The following KCNH1 variants were observed in gnomAD, a reference collection of about 807,000 sequenced individuals.
The protein encoded by KCNH1 is voltage-gated delayed rectifier potassium channel KCNH1.
Under a neutral mutation model 69.2 loss-of-function variants are expected in KCNH1, and 27 were observed. The ratio of observed to expected loss-of-function variants is 0.39; its 90% CI spans 0.29 to 0.54. The LOEUF (loss-of-function observed/expected upper bound fraction) is 0.54. KCNH1 is among the 20% of genes least tolerant of loss of function. The pLI is 0.68. For missense variants in KCNH1, 798 were observed against 1,261.6 expected (o/e 0.63, Z 5.57); for synonymous variants, 456 against 487.7 (o/e 0.93, Z 0.86).
intron 7 of KCNH1, among the ~76,000 whole-genome samples, chr1:210,820,387 G>C (rs1182387889): frequency 6.6e-6 from 1 of 152,100 alleles, no homozygotes; most frequent in Non-Finnish European, 1.5e-5. Flanking sequence ...TGTAATCCCA[G>C]CACTTTGGGA....
chr1:210,975,142 C>G (rs1688580395), intron 6 of KCNH1, among the ~76,000 whole-genome samples: 1 of 152,138 alleles, frequency 6.6e-6, no homozygotes, highest in Non-Finnish European at 1.5e-5. Flanking sequence ...TTTTATAAGA[C>G]ATGTCTGCTA....
At chr1:210,972,887 T>C (rs1314429478) in intron 6 of KCNH1, among the ~76,000 whole-genome samples, 1 of 150,896 alleles carries the variant, frequency 6.6e-6, no homozygotes, top group Non-Finnish European at 1.5e-5. Flanking sequence ...GACTTGAGTA[T>C]TGTCTCATCT....
At chr1:211,118,347 T>C (rs1028955199) in intron 1 of KCNH1, among the ~76,000 whole-genome samples, 3 of 152,208 alleles carry the variant, frequency 2.0e-5, no homozygotes, top group Non-Finnish European at 1.5e-5. Flanking sequence ...ACTTATCAAG[T>C]CCTTCCTACA....
chr1:210,879,613 T>A (rs533078374), intron 7 of KCNH1, among the ~76,000 whole-genome samples: 2 of 152,182 alleles, frequency 1.3e-5, no homozygotes, highest in African/African-American at 4.8e-5. Flanking sequence ...CTCCTCAACC[T>A]GATAAAGAAT....
At chr1:211,059,673 G>A (rs927485816) in intron 5 of KCNH1, among the ~76,000 whole-genome samples, 7 of 151,964 alleles carry the variant, frequency 4.6e-5, no homozygotes, top group African/African-American at 1.2e-4. Context: ...AACCCGGGAG[G>A]TGGAGCTTGC....
At chr1:210,884,264 T>C (rs1259841471) in intron 7 of KCNH1, among the ~76,000 whole-genome samples, 2 of 152,162 alleles carry the variant, frequency 1.3e-5, no homozygotes, top group Non-Finnish European at 2.9e-5. Flanking sequence ...AGTCCAACAA[T>C]GTGGTATCTA....
chr1:210,933,374 G>T (rs1301000459), intron 6 of KCNH1, among the ~76,000 whole-genome samples: 1 of 151,824 alleles, frequency 6.6e-6, no homozygotes, highest in Non-Finnish European at 1.5e-5. Flanking sequence ...GGGGTGGGGG[G>T]AGCGGGGAGG....
chr1:210,871,774 T>A (rs1686253622), intron 7 of KCNH1, among the ~76,000 whole-genome samples: 2 of 150,302 alleles, frequency 1.3e-5, no homozygotes, highest in Non-Finnish European at 3.0e-5. Flanking sequence ...AAACTGGAAA[T>A]CATCATTCTC....
intron 7 of KCNH1, among the ~76,000 whole-genome samples, chr1:210,857,610 AT>A (rs1685880423): frequency 6.6e-6 from 1 of 152,228 alleles, no homozygotes; most frequent in Admixed American, 6.5e-5. Context: ...TGCATTTTAA[AT>A]ATCAATATAT....
chr1:210,799,930 A>G (rs985471138), intron 8 of KCNH1, among the ~76,000 whole-genome samples: 2 of 152,210 alleles, frequency 1.3e-5, no homozygotes, highest in African/African-American at 4.8e-5. Flanking sequence ...GGGGTCAAAG[A>G]GTTGAAATCC....
chr1:210,960,336 C>T (rs1206558152), intron 6 of KCNH1, among the ~76,000 whole-genome samples: 10 of 152,074 alleles, frequency 6.6e-5, no homozygotes, highest in African/African-American at 2.4e-4. Context: ...TTTGCACATC[C>T]ATCAAACCAT....
chr1:210,848,508 T>C (rs989085459), intron 7 of KCNH1, among the ~76,000 whole-genome samples: 1 of 152,234 alleles, frequency 6.6e-6, no homozygotes, highest in African/African-American at 2.4e-5. Context: ...CAGTCCTTTA[T>C]ATCACTGACA....
intron 10 of KCNH1, among the ~76,000 whole-genome samples, chr1:210,735,306 C>T (rs1289071858): frequency 6.6e-6 from 1 of 152,078 alleles, no homozygotes; most frequent in African/African-American, 2.4e-5. Context: ...TTGTTGTCTG[C>T]CTGAGTCACT....
intron 10 of KCNH1, among the ~76,000 whole-genome samples, chr1:210,755,649 C>T (rs959047655): frequency 2.1e-5 from 3 of 144,344 alleles, no homozygotes; most frequent in African/African-American, 7.5e-5. Flanking sequence ...GAGCAGATAC[C>T]GGGTTCCTCT....
chr1:210,723,987 A>G (rs926013812), intron 10 of KCNH1, among the ~76,000 whole-genome samples: 9 of 152,226 alleles, frequency 5.9e-5, no homozygotes, highest in African/African-American at 1.9e-4. Context: ...CCGGGGAAAG[A>G]GTATGGCCTG....
At chr1:210,779,305 G>A (rs1683927687) in intron 9 of KCNH1, among the ~76,000 whole-genome samples, 1 of 152,148 alleles carries the variant, frequency 6.6e-6, no homozygotes, top group Non-Finnish European at 1.5e-5. Flanking sequence ...CTGTTAGTGA[G>A]ATTTAAGAAC....
intron 10 of KCNH1, among the ~76,000 whole-genome samples, chr1:210,748,033 A>AGCCACGTGCCTTGGCTCTGCTC (rs1683200560): frequency 6.6e-6 from 1 of 152,238 alleles, no homozygotes; most frequent in Admixed American, 6.5e-5. Context: ...TGGCACTGCC[A>AGCCACGTGCCTTGGCTCTGCTC]GCCACGTGCC....
At chr1:211,030,457 A>T (rs897681849) in intron 5 of KCNH1, among the ~76,000 whole-genome samples, 2 of 152,172 alleles carry the variant, frequency 1.3e-5, no homozygotes, top group African/African-American at 4.8e-5. Flanking sequence ...AGACCCATAC[A>T]AATATACTCA....
intron 6 of KCNH1, among the ~76,000 whole-genome samples, chr1:210,925,280 T>C (rs1388924391): frequency 6.6e-6 from 1 of 152,228 alleles, no homozygotes; most frequent in African/African-American, 2.4e-5. Flanking sequence ...CAGCTCCCAC[T>C]TGGATGGACA....
Sources: allele counts gnomAD v4.1 joint callset (sites outside exome capture counted in the v4.1 genomes callset), GRCh38; gene constraint gnomAD v4.1.1; transcripts MANE v1.5; gene names NCBI Gene and HGNC (gene_info 2026-07-23, HGNC 2026-07-21).